CFAP61: variants seen among roughly 807,000 people sequenced by gnomAD.
The protein encoded by CFAP61 is cilia- and flagella-associated protein 61.
In CFAP61, 107 loss-of-function variants were observed where a neutral mutation model predicts 135.6. That is an observed-to-expected ratio of 0.79 (90% CI 0.67 to 0.93). CFAP61 has a LOEUF of 0.93. Ranked by LOEUF, CFAP61 falls within the 40% of genes least tolerant of loss-of-function variation. CFAP61 has a pLI of 0.00. For missense variants in CFAP61, 1,507 were observed against 1,556.2 expected, an observed-to-expected ratio of 0.97 and a Z score of 0.53; for synonymous variants, 575 against 578.5, an observed-to-expected ratio of 0.99 and a Z score of 0.09.
intron 13 of CFAP61, among the ~76,000 whole-genome samples, chr20:20,179,996 A>G (rs2054930190): frequency 6.6e-6 from 1 of 152,226 alleles, no homozygotes; most frequent in Admixed American, 6.5e-5. Context: ...GCCAAAAGCA[A>G]TTACAACAAA....
intron 22 of CFAP61, among the ~76,000 whole-genome samples, chr20:20,278,634 G>A (rs2053953429): frequency 6.6e-6 from 1 of 152,140 alleles, no homozygotes; most frequent in African/African-American, 2.4e-5. Context: ...TAGGAGTGGG[G>A]GGTGATCAGC....
chr20:20,279,663 G>A (rs1425745524), intron 22 of CFAP61, among the ~76,000 whole-genome samples: 1 of 152,134 alleles, frequency 6.6e-6, no homozygotes, highest in Non-Finnish European at 1.5e-5. Flanking sequence ...TTGCCCAAGG[G>A]TCAGCTGTAA....
chr20:20,238,573 A>T (rs2049770565), intron 18 of CFAP61, among the ~76,000 whole-genome samples: 1 of 152,238 alleles, frequency 6.6e-6, no homozygotes, highest in African/African-American at 2.4e-5. Context: ...GCAGACACGC[A>T]CAGCACACAC....
intron 7 of CFAP61, among the ~76,000 whole-genome samples, chr20:20,091,686 A>ATTG (rs1211343191): frequency 6.6e-6 from 1 of 151,952 alleles, no homozygotes; most frequent in Non-Finnish European, 1.5e-5. Context: ...TATTATTATT[A>ATTG]TTATTTTTTG....
chr20:20,113,801 A>G (rs1017273462), intron 8 of CFAP61, among the ~76,000 whole-genome samples: 2 of 152,244 alleles, frequency 1.3e-5, no homozygotes, highest in African/African-American at 2.4e-5. Context: ...ATATGTGTAC[A>G]TTTGTTTTGG....
In CFAP61 at chr20:20,360,428, C is replaced by G. The variant is rs1009369337; in HGVS notation, c.*18C>G. ...TCGTTTAGTTGTAGGCAGGGTCTCC[C>G]CTTTATGGTTTTCATTTATTTAGTT... On this transcript the variant is annotated 3_prime_UTR_variant, in exon 27 of 27. Coordinates refer to ENST00000245957, the MANE Select transcript of CFAP61 (RefSeq NM_015585.4). 1.9e-6 allele frequency: 3 copies of G among 1,606,926 alleles called. No individual in the cohort carries two copies. The highest frequency in any genetic ancestry group is 1.7e-4 in the Middle Eastern group (1 of 5,752).
At chr20:20,212,725 T>G (rs2047744241) in intron 17 of CFAP61, among the ~76,000 whole-genome samples, 1 of 152,182 alleles carries the variant, frequency 6.6e-6, no homozygotes, top group African/African-American at 2.4e-5. Flanking sequence ...CCTGCCTGGA[T>G]AGGCTTTTCT....
intron 22 of CFAP61, among the ~76,000 whole-genome samples, chr20:20,280,636 T>C (rs1402385300): frequency 6.6e-6 from 1 of 152,260 alleles, no homozygotes; most frequent in Non-Finnish European, 1.5e-5. Flanking sequence ...TAGTATTCCA[T>C]TGTATGGATA....
intron 25 of CFAP61, among the ~76,000 whole-genome samples, chr20:20,320,644 A>G (rs1390746006): frequency 2.0e-5 from 3 of 147,590 alleles, no homozygotes; most frequent in African/African-American, 7.5e-5. Flanking sequence ...AGAAGGAACT[A>G]GAGATGACCC....
At chr20:20,243,734 G>C (rs1216049641) in intron 18 of CFAP61, among the ~76,000 whole-genome samples, 1 of 152,040 alleles carries the variant, frequency 6.6e-6, no homozygotes, top group Non-Finnish European at 1.5e-5. Flanking sequence ...ACCATGCCTG[G>C]CCCCCCAAAG....
At chr20:20,129,261 G>A (rs184540472) in intron 8 of CFAP61, among the ~76,000 whole-genome samples, 6 of 151,854 alleles carry the variant, frequency 4.0e-5, no homozygotes, top group East Asian at 3.9e-4. Flanking sequence ...TCTGTTTGTC[G>A]TGAATTCTCT....
chr20:20,185,982 A>C (rs2055469026), intron 13 of CFAP61, among the ~76,000 whole-genome samples: 1 of 151,992 alleles, frequency 6.6e-6, no homozygotes, highest in South Asian at 2.1e-4. Flanking sequence ...CCTTTCAATT[A>C]TTTTGGCATT....
chr20:20,259,565 G>A (rs1680227242), intron 20 of CFAP61: 1 of 151,900 alleles, frequency 6.6e-6, no homozygotes, highest in South Asian at 2.1e-4. Context: ...GAGTCACCAT[G>A]CCTGGCCCTC....
chr20:20,137,075 C>G (rs983853175), intron 8 of CFAP61, among the ~76,000 whole-genome samples: 2 of 152,178 alleles, frequency 1.3e-5, no homozygotes, highest in Non-Finnish European at 2.9e-5. Context: ...GGCAGAGACT[C>G]TTATTCTCTT....
intron 20 of CFAP61, chr20:20,253,595 CT>C (rs1016669519): frequency 8.1e-6 from 4 of 493,070 alleles, no homozygotes; most frequent in East Asian, 5.9e-5. Flanking sequence ...ATTCAGCACT[CT>C]TTTTGGGCCA....
intron 25 of CFAP61, chr20:20,323,219 T>A (rs1186389873): frequency 3.0e-6 from 3 of 985,458 alleles, no homozygotes; most frequent in Non-Finnish European, 3.6e-6. Flanking sequence ...TCATTCAGCA[T>A]GGGCATGAAA....
At chr20:20,069,845 G>A (rs763749319) in intron 2 of CFAP61, 9 of 429,612 alleles carry the variant, frequency 2.1e-5, no homozygotes, top group South Asian at 3.4e-5. Flanking sequence ...TCTCCTCTCC[G>A]CCTCTTCCTC....
At chr20:20,306,773 T>C (rs2056501886) in intron 25 of CFAP61, among the ~76,000 whole-genome samples, 1 of 152,186 alleles carries the variant, frequency 6.6e-6, no homozygotes, top group Admixed American at 6.5e-5. Flanking sequence ...TCCCTGGCTA[T>C]ACAAGAAAAC....
intron 1 of CFAP61, among the ~76,000 whole-genome samples, chr20:20,054,361 A>G (rs2044096659): frequency 2.0e-5 from 3 of 152,018 alleles, no homozygotes; most frequent in South Asian, 4.1e-4. Flanking sequence ...AATTCAGCCC[A>G]TTGACTATTT....
Sources: allele counts gnomAD v4.1 joint callset (sites outside exome capture counted in the v4.1 genomes callset), GRCh38; gene constraint gnomAD v4.1.1; transcripts MANE v1.5; gene names NCBI Gene and HGNC (gene_info 2026-07-23, HGNC 2026-07-21).